Variants in LOC112694756 observed in about 807,000 individuals in gnomAD.
At chr16:30,070,269 G>A in the LOC112694756 span, 12 of 1,565,532 alleles carry the variant, frequency 7.7e-6, no homozygotes, top group Middle Eastern at 3.3e-4. Flanking sequence ...TCCCACTCTT[G>A]AAGAGGAGGC....
chr16:30,064,614 C>T, the LOC112694756 span: 1 of 397,164 alleles, frequency 2.5e-6, no homozygotes, highest in Admixed American at 4.4e-5. Flanking sequence ...CTTCAGGTTT[C>T]CCTAAATATA....
the LOC112694756 span, among the ~76,000 whole-genome samples, chr16:30,059,472 CT>C: frequency 1.3e-5 from 2 of 151,562 alleles, no homozygotes. Context: ...GCACTCCAGC[CT>C]GGGAGACAGA....
chr16:30,068,828 G>A, the LOC112694756 span: 8 of 1,614,226 alleles, frequency 5.0e-6, no homozygotes, highest in South Asian at 8.8e-5. Context: ...GGTTGGATGG[G>A]CTGTCTGAGC....
chr16:30,062,657 C>T, the LOC112694756 span, among the ~76,000 whole-genome samples: 2 of 151,080 alleles, frequency 1.3e-5, no homozygotes, highest in Non-Finnish European at 2.9e-5. Context: ...GCCTGGTCAA[C>T]ATAGCGAAAC....
chr16:30,068,692 C>T, the LOC112694756 span: 1 of 1,614,110 alleles, frequency 6.2e-7, no homozygotes, highest in Admixed American at 1.7e-5. Context: ...GGCGAGACTA[C>T]CACCCAAGGT....
At chr16:30,061,627 T>G in the LOC112694756 span, among the ~76,000 whole-genome samples, 1 of 141,254 alleles carries the variant, frequency 7.1e-6, no homozygotes, top group African/African-American at 2.6e-5. Context: ...TGGGTCGATC[T>G]CGGCTTACTG....
the LOC112694756 span, chr16:30,054,762 C>G: frequency 2.5e-6 from 1 of 399,312 alleles, no homozygotes; most frequent in Admixed American, 4.4e-5. Flanking sequence ...CCTTGTCACC[C>G]CTTCCTCCTG....
At chr16:30,066,711 C>T in the LOC112694756 span, among the ~76,000 whole-genome samples, 1 of 152,212 alleles carries the variant, frequency 6.6e-6, no homozygotes, top group Non-Finnish European at 1.5e-5. Flanking sequence ...AAGGAACACC[C>T]CAGTGGCAGT....
chr16:30,070,014 T>C, the LOC112694756 span: 1 of 1,613,716 alleles, frequency 6.2e-7, no homozygotes, highest in Non-Finnish European at 8.5e-7. Context: ...AGGAGGAGTA[T>C]GTCAAGCGAG....
At chr16:30,065,067 G>GGCT in the LOC112694756 span, among the ~76,000 whole-genome samples, 4 of 152,246 alleles carry the variant, frequency 2.6e-5, 1 homozygote, top group Non-Finnish European at 5.9e-5. Context: ...CTACCAGCCT[G>GGCT]GCTGCGGCGG....
the LOC112694756 span, chr16:30,066,765 T>G: frequency 8.8e-7 from 1 of 1,132,044 alleles, no homozygotes; most frequent in Non-Finnish European, 1.2e-6. Flanking sequence ...CCGGGGTTGC[T>G]GTGTGGCTTG....
chr16:30,068,244 T>C, the LOC112694756 span: 1 of 329,166 alleles, frequency 3.0e-6, no homozygotes, highest in Non-Finnish European at 5.9e-6. Context: ...TTTTGTATTT[T>C]TAGTAGACAC....
the LOC112694756 span, chr16:30,067,539 G>T: frequency 6.2e-7 from 1 of 1,613,826 alleles, no homozygotes; most frequent in Non-Finnish European, 8.5e-7. Context: ...GACAGCTGAC[G>T]ACCGCGTGAA....
the LOC112694756 span, chr16:30,067,147 C>T: frequency 6.3e-7 from 1 of 1,592,680 alleles, no homozygotes; most frequent in African/African-American, 1.3e-5. Flanking sequence ...GAACATTTCC[C>T]TGACCTCCAG....
chr16:30,061,517 T>A, the LOC112694756 span, among the ~76,000 whole-genome samples: 1 of 144,146 alleles, frequency 6.9e-6, no homozygotes, highest in Non-Finnish European at 1.5e-5. Context: ...TCCATTCCCA[T>A]CACTTGCCTC....
chr16:30,064,536 T>C, the LOC112694756 span: 4 of 398,618 alleles, frequency 1.0e-5, no homozygotes, highest in South Asian at 1.3e-4. Context: ...TCCCCATCAA[T>C]AGGGCCGACC....
the LOC112694756 span, chr16:30,069,471 T>G: frequency 2.5e-6 from 4 of 1,614,038 alleles, no homozygotes; most frequent in Non-Finnish European, 3.4e-6. Flanking sequence ...TCCACCCCAC[T>G]ACCCACCGTG....
chr16:30,066,860 T>C, the LOC112694756 span: 4 of 1,544,248 alleles, frequency 2.6e-6, no homozygotes, highest in Non-Finnish European at 1.7e-6. Context: ...CATTCTAAAA[T>C]ACTCCGGTTC....
chr16:30,070,316 C>G, the LOC112694756 span: 8 of 1,075,872 alleles, frequency 7.4e-6, no homozygotes, highest in Non-Finnish European at 1.1e-5. Context: ...TGCCCGCGCT[C>G]TTTCTTCCCT....
Sources: allele counts gnomAD v4.1 joint callset (sites outside exome capture counted in the v4.1 genomes callset), GRCh38; gene constraint gnomAD v4.1.1; transcripts MANE v1.5.